The following AGT variants were observed in gnomAD, a reference collection of about 807,000 sequenced individuals.
AGT encodes alpha-1 antiproteinase, antitrypsin.
AGT carries 26 observed loss-of-function variants against 28.1 expected under a neutral mutation model. The observed-to-expected ratio is 0.92, with a 90% CI of 0.68 to 1.28. The LOEUF (loss-of-function observed/expected upper bound fraction) is 1.28, where lower values mean the gene tolerates loss of function less well. AGT is among the 50% of genes most tolerant of loss of function. The pLI, the probability that AGT is intolerant of heterozygous loss-of-function variation, is 0.00. For synonymous variants in AGT, 259 were observed against 259.6 expected, an observed-to-expected ratio of 1.00 and a Z score of 0.02; for missense variants, 596 against 592.3, an observed-to-expected ratio of 1.01 and a Z score of -0.06.
At chr1:230,734,391 G>C (rs569562862) in intron 1 of AGT, among the ~76,000 whole-genome samples, 94 of 152,172 alleles carry the variant, frequency 6.2e-4, no homozygotes, top group African/African-American at 2.2e-3. Flanking sequence ...GCTGGGGGAG[G>C]GGAGAATGGG....
At chr1:230,728,133 G>T (rs1308805381) in intron 1 of AGT, among the ~76,000 whole-genome samples, 2 of 152,144 alleles carry the variant, frequency 1.3e-5, no homozygotes, top group Non-Finnish European at 2.9e-5. Context: ...CACAGGTAGG[G>T]GTCGTGGGTC....
chr1:230,742,122 G>C (rs1664258035), intron 1 of AGT, among the ~76,000 whole-genome samples: 1 of 151,862 alleles, frequency 6.6e-6, no homozygotes, highest in Non-Finnish European at 1.5e-5. Context: ...AATATAAAAG[G>C]CATATAGAAA....
chr1:230,703,087 C>T lies in AGT; in HGVS notation c.*54G>A, dbSNP rs1663276777. 3 of 1,588,584 alleles carry T rather than the reference C, an allele frequency of 1.9e-6. No individual in the cohort carries two copies. The highest frequency in any genetic ancestry group is 1.1e-5 in the South Asian group (1 of 90,472). ...GTTGTTATCTGCTGCTGGCCTTTGC[C>T]TCAAAGGCCAGGGGCAGAGGCCTTG... On this transcript the variant is annotated 3_prime_UTR_variant, in exon 5 of 5. Transcript: ENST00000366667.
rs1369394409 is a variant in AGT, at chr1:230,710,381, C to T, written c.443G>A (p.Arg148Lys). 6.2e-7 allele frequency: 1 copy of T among 1,614,206 alleles called. No individual in the cohort carries two copies. Among genetic ancestry groups the T allele is most frequent in the Admixed American group, 1.7e-5 (1 of 60,032 alleles). ...AGGAACACCCAGGATTGCCTGTAGC[C>T]TGTCAGCTGTGTGGTCCAAGGCTCC... ...YLGALDHTAD[R>K]LQAILGVPWK... The change falls in exon 2 of 5, where the codon AGG becomes AAG. Residue 148 changes from arginine to lysine, a missense_variant. Arg to Lys is a conservative substitution (Grantham distance 26). Transcript: ENST00000366667.
intron 1 of AGT, among the ~76,000 whole-genome samples, chr1:230,737,216 T>C (rs1405884536): frequency 6.6e-6 from 1 of 152,190 alleles, no homozygotes; most frequent in Non-Finnish European, 1.5e-5. Flanking sequence ...TCAGACTGCA[T>C]TGCCCGCAAG....
chr1:230,741,109 G>C (rs1410623709), intron 1 of AGT, among the ~76,000 whole-genome samples: 7 of 152,192 alleles, frequency 4.6e-5, no homozygotes, highest in African/African-American at 1.7e-4. Flanking sequence ...TCCAGGGAAA[G>C]AAATCCCAGA....
upstream of AGT, among the ~76,000 whole-genome samples, chr1:230,716,526 G>A (rs543830171): frequency 4.5e-4 from 68 of 152,298 alleles, 2 homozygotes; most frequent in African/African-American, 1.6e-3. Context: ...TGTGTCATGG[G>A]AGGGACCCAG....
intron 1 of AGT, among the ~76,000 whole-genome samples, chr1:230,711,863 G>A (rs907701872): frequency 2.0e-5 from 3 of 151,020 alleles, no homozygotes; most frequent in Non-Finnish European, 4.4e-5. Context: ...ACTCTGATAT[G>A]TAAGCAGGGT....
intron 1 of AGT, among the ~76,000 whole-genome samples, chr1:230,733,891 G>A (rs10495299): frequency 0.086 from 13,069 of 151,954 alleles, 888 homozygotes; most frequent in East Asian, 0.35. Context: ...TCATGTTCTT[G>A]TTCTGCCAGT....
chr1:230,741,462 G>A (rs1007594176), intron 1 of AGT, among the ~76,000 whole-genome samples: 4 of 152,222 alleles, frequency 2.6e-5, no homozygotes, highest in Non-Finnish European at 4.4e-5. Flanking sequence ...GTGGAGCAGC[G>A]AGTGTGGGGG....
intron 1 of AGT, among the ~76,000 whole-genome samples, chr1:230,729,666 A>G (rs1438046860): frequency 6.6e-6 from 1 of 152,144 alleles, no homozygotes; most frequent in Non-Finnish European, 1.5e-5. Context: ...ACAAAGATGT[A>G]AGAAGCTTGT....
Position 230,705,913 on chromosome 1 carries a change from G to C in AGT, c.1097+20C>G, listed in dbSNP as rs1388933847. On this transcript the variant is annotated intron_variant, in intron 3 of 4. Coordinates refer to ENST00000366667, the MANE Select transcript of AGT (RefSeq NM_001384479.1). The stretch of plus-strand genomic sequence containing the variant: ...GACAGTGTGGCTCCCACATTCCAGG[G>C]GAGACCGGGAGGCTCCTACCGGGGA... The C allele has an allele frequency of 2.5e-6, 4 of 1,613,674 alleles. No homozygotes were observed. The African/African-American group carries it at 5.3e-5, about 22-fold the overall frequency.
At chr1:230,722,518 G>C (rs1310174830) in intron 1 of AGT, among the ~76,000 whole-genome samples, 1 of 152,252 alleles carries the variant, frequency 6.6e-6, no homozygotes, top group African/African-American at 2.4e-5. Context: ...CTCAATGCCA[G>C]CCTGTGAAAG....
chr1:230,730,441 G>T (rs1036619702), intron 1 of AGT, among the ~76,000 whole-genome samples: 3 of 152,050 alleles, frequency 2.0e-5, no homozygotes, highest in Non-Finnish European at 4.4e-5. Context: ...CCATGCTCCT[G>T]CTTCTCCATT....
chr1:230,704,186 C>A lies in AGT; in HGVS notation c.1242+7G>T. 2 of 1,614,268 alleles carry A rather than the reference C, an allele frequency of 1.2e-6. No homozygotes were observed. The highest frequency in any genetic ancestry group is 1.7e-6 in the Non-Finnish European group (2 of 1,180,040). On this transcript the variant is annotated splice_region_variant and intron_variant, in intron 4 of 4. Coordinates refer to ENST00000366667, the MANE Select transcript of AGT (RefSeq NM_001384479.1). Reference sequence around the variant, plus strand: ...CAGGTCAGGCACAGACACAGGCTCACACATACCTCCCCCACCCTGATGCGG... The same window carrying A: ...CAGGTCAGGCACAGACACAGGCTCAAACATACCTCCCCCACCCTGATGCGG...
intron 1 of AGT, among the ~76,000 whole-genome samples, chr1:230,736,594 A>G (rs1350862466): frequency 1.3e-5 from 2 of 152,214 alleles, no homozygotes; most frequent in Non-Finnish European, 2.9e-5. Flanking sequence ...CACAGTTCTC[A>G]GATATAAATG....
intron 1 of AGT, among the ~76,000 whole-genome samples, chr1:230,727,015 G>A (rs1663957726): frequency 6.6e-6 from 1 of 152,202 alleles, no homozygotes; most frequent in Non-Finnish European, 1.5e-5. Flanking sequence ...TGTGAATGGT[G>A]ACCTTCTGGA....
chr1:230,730,857 A>G (rs1370073814), intron 1 of AGT, among the ~76,000 whole-genome samples: 1 of 152,208 alleles, frequency 6.6e-6, no homozygotes, highest in Non-Finnish European at 1.5e-5. Flanking sequence ...TATTAGGCCC[A>G]GATAGGCATT....
chr1:230,703,113 C>A lies in AGT; in HGVS notation c.*28G>T. On this transcript the variant is annotated 3_prime_UTR_variant, in exon 5 of 5. Coordinates refer to ENST00000366667, the MANE Select transcript of AGT (RefSeq NM_001384479.1). ...TCAAAGGCCAGGGGCAGAGGCCTTG[C>A]CAGGCACTGTGTTCTGGGGCCCTGG... The A allele has an allele frequency of 6.2e-7, 1 of 1,611,008 alleles. No individual in the cohort carries two copies. Among genetic ancestry groups the A allele is most frequent in the African/African-American group, 1.3e-5 (1 of 74,862 alleles).
Sources: gnomAD v4.1 joint callset for allele counts (sites outside exome capture counted in the v4.1 genomes callset) on GRCh38, gnomAD v4.1.1 for gene constraint, MANE v1.5 for transcripts, NCBI Gene and HGNC (gene_info 2026-07-23, HGNC 2026-07-21) for gene names.